PCDH11X: variants seen among roughly 807,000 people sequenced by gnomAD.
PCDH11X encodes the protein protocadherin 11 X-linked.
Under a neutral mutation model 53.3 loss-of-function variants are expected in PCDH11X, and 18 were observed. That is an observed-to-expected ratio of 0.34 (90% CI 0.23 to 0.50). PCDH11X has a LOEUF of 0.50. Among genes scored for constraint, PCDH11X ranks in the 20% least tolerant of loss-of-function variants. The pLI is 0.98. For synonymous variants in PCDH11X, 279 were observed against 393.3 expected (o/e 0.71, Z 3.44); for missense variants, 570 against 1,032.4 (o/e 0.55, Z 6.14).
At chrX:92,121,535 G>A (rs1050101695) in intron 6 of PCDH11X, among the ~76,000 whole-genome samples, 1 of 111,218 alleles carries the variant, frequency 9.0e-6, no homozygotes, top group Admixed American at 9.6e-5. Context: ...AACATATTAT[G>A]TTGAGTCACT....
intron 9 of PCDH11X, among the ~76,000 whole-genome samples, chrX:92,412,082 G>GGAA (rs34909414): frequency 2.0e-3 from 155 of 78,608 alleles, no homozygotes; most frequent in African/African-American, 0.01. Context: ...AGGAGGAGGA[G>GGAA]GAAGAAGAAG....
intron 10 of PCDH11X, among the ~76,000 whole-genome samples, chrX:92,615,352 G>A (rs1927850427): frequency 2.7e-5 from 3 of 111,484 alleles, no homozygotes; most frequent in Admixed American, 1.9e-4. Flanking sequence ...GAGGTGGAAC[G>A]GAGAGGGCCC....
At chrX:92,366,759 T>C (rs2070483190) in intron 8 of PCDH11X, among the ~76,000 whole-genome samples, 1 of 103,216 alleles carries the variant, frequency 9.7e-6, no homozygotes, top group Non-Finnish European at 2.0e-5. Flanking sequence ...TACCCAATAA[T>C]CATTCAGGAG....
At chrX:91,857,309 G>A (rs751493499) in intron 5 of PCDH11X, among the ~76,000 whole-genome samples, 126 of 111,313 alleles carry the variant, frequency 1.1e-3, no homozygotes, top group African/African-American at 3.8e-3. Context: ...TTCCTCCCAT[G>A]ACACATGGGA....
At chrX:92,471,425 T>A (rs965862659) in intron 10 of PCDH11X, among the ~76,000 whole-genome samples, 6 of 102,254 alleles carry the variant, frequency 5.9e-5, no homozygotes, top group African/African-American at 2.1e-4. Context: ...TTCATGTTCC[T>A]GCAAAAGACA....
At chrX:92,536,341 G>T (rs1375697121) in intron 10 of PCDH11X, among the ~76,000 whole-genome samples, 1 of 110,963 alleles carries the variant, frequency 9.0e-6, no homozygotes, top group Non-Finnish European at 1.9e-5. Flanking sequence ...GCTTCAATGT[G>T]CTCCTGCATC....
At chrX:92,215,799 AC>A (rs890312529) in intron 7 of PCDH11X, among the ~76,000 whole-genome samples, 5 of 105,742 alleles carry the variant, frequency 4.7e-5, no homozygotes, top group African/African-American at 6.9e-5. Context: ...ACTGGGAGGC[AC>A]CCCCCAGTAG....
At chrX:92,493,646 CT>C (rs780482413) in intron 10 of PCDH11X, among the ~76,000 whole-genome samples, 128 of 83,836 alleles carry the variant, frequency 1.5e-3, no homozygotes, top group African/African-American at 3.4e-3. Flanking sequence ...GCCCCCTTAA[CT>C]TTTTTTTTTT....
At chrX:92,236,339 A>G (rs2067171609) in intron 7 of PCDH11X, among the ~76,000 whole-genome samples, 1 of 111,547 alleles carries the variant, frequency 9.0e-6, no homozygotes, top group South Asian at 3.7e-4. Context: ...AAAATGAGCT[A>G]TGTTTATTTG....
At chrX:91,892,015 GTGTGTGT>G (rs1940508035) in intron 6 of PCDH11X, among the ~76,000 whole-genome samples, 1 of 64,171 alleles carries the variant, frequency 1.6e-5, no homozygotes, top group Non-Finnish European at 3.0e-5. Flanking sequence ...TTAGAGGGGT[GTGTGTGT>G]GTGTGTGTGT....
chrX:91,935,987 G>T (rs1487329407), intron 6 of PCDH11X, among the ~76,000 whole-genome samples: 1 of 106,848 alleles, frequency 9.4e-6, no homozygotes, highest in African/African-American at 3.4e-5. Flanking sequence ...AGAATAGATT[G>T]TTGATGTTTC....
At chrX:92,067,235 G>T (rs1383431613) in intron 6 of PCDH11X, among the ~76,000 whole-genome samples, 1 of 111,267 alleles carries the variant, frequency 9.0e-6, no homozygotes, top group Non-Finnish European at 1.9e-5. Context: ...TCCTTGTCAT[G>T]TTCCAAATAT....
chrX:91,908,372 T>C (rs1941260085), intron 6 of PCDH11X, among the ~76,000 whole-genome samples: 1 of 111,719 alleles, frequency 9.0e-6, no homozygotes. Context: ...GCAAATGAAA[T>C]GAACAGACAC....
intron 6 of PCDH11X, among the ~76,000 whole-genome samples, chrX:92,095,105 C>T (rs2064114288): frequency 9.0e-6 from 1 of 110,898 alleles, no homozygotes; most frequent in Non-Finnish European, 1.9e-5. Context: ...GTCCTCCTAT[C>T]CCCTAACCCC....
chrX:92,269,221 T>C (rs1031765779), intron 8 of PCDH11X, among the ~76,000 whole-genome samples: 4 of 112,041 alleles, frequency 3.6e-5, no homozygotes, highest in Non-Finnish European at 7.5e-5. Context: ...TTCTGTCTCA[T>C]CATTGTTATC....
intron 7 of PCDH11X, among the ~76,000 whole-genome samples, chrX:92,251,222 C>T (rs1017334246): frequency 4.6e-5 from 5 of 109,814 alleles, no homozygotes; most frequent in East Asian, 5.7e-4. Context: ...AGTTGAACCT[C>T]GATAATACGG....
intron 1 of PCDH11X, among the ~76,000 whole-genome samples, chrX:91,807,332 GAA>G (rs199815482): frequency 0.018 from 1,940 of 110,708 alleles, 17 homozygotes; most frequent in Non-Finnish European, 0.025. Context: ...GTGACAAAGC[GAA>G]AACCGTGTCT....
chrX:92,416,514 A>G (rs1325522657), intron 9 of PCDH11X, among the ~76,000 whole-genome samples: 2 of 108,579 alleles, frequency 1.8e-5, no homozygotes, highest in Non-Finnish European at 3.8e-5. Context: ...AATTCAAAAG[A>G]GAAACAATGG....
At chrX:92,263,410 C>T (rs561197519) in intron 8 of PCDH11X, among the ~76,000 whole-genome samples, 2 of 111,789 alleles carry the variant, frequency 1.8e-5, no homozygotes, top group African/African-American at 3.2e-5. Flanking sequence ...GACAGCATCA[C>T]TTTGTGAATG....
Sources: gnomAD v4.1 joint callset for allele counts (sites outside exome capture counted in the v4.1 genomes callset) on GRCh38, gnomAD v4.1.1 for gene constraint, MANE v1.5 for transcripts, NCBI Gene and HGNC (gene_info 2026-07-23, HGNC 2026-07-21) for gene names.